Variants in STPG2 observed in about 807,000 individuals in gnomAD.
STPG2 encodes sperm tail PG-rich repeat containing 2.
STPG2 carries 56 observed loss-of-function variants against 54.2 expected under a neutral mutation model. The observed-to-expected ratio is 1.03, with a 90% CI of 0.83 to 1.29. The LOEUF (loss-of-function observed/expected upper bound fraction) is 1.29, where lower values mean the gene tolerates loss of function less well. Ranked by LOEUF, STPG2 falls within the 50% of genes most tolerant of loss-of-function variation. The pLI, the probability that STPG2 is intolerant of heterozygous loss-of-function variation, is 0.00. For synonymous variants in STPG2, 200 were observed against 181.8 expected, an observed-to-expected ratio of 1.10 and a Z score of -0.81; for missense variants, 596 against 544.9, an observed-to-expected ratio of 1.09 and a Z score of -0.93.
At chr4:97,491,628 A>G (rs1465209361) in intron 4 of STPG2, among the ~76,000 whole-genome samples, 1 of 151,614 alleles carries the variant, frequency 6.6e-6, no homozygotes, top group Non-Finnish European at 1.5e-5. Flanking sequence ...TGAAAGCAAG[A>G]GTACATGCAA....
At chr4:97,796,707 C>T (rs1727196217) in intron 9 of STPG2, among the ~76,000 whole-genome samples, 1 of 152,254 alleles carries the variant, frequency 6.6e-6, no homozygotes, top group South Asian at 2.1e-4. Context: ...TCCATATAAA[C>T]TTTAAAGTAG....
At chr4:97,837,354 C>A (rs1466240289) in intron 9 of STPG2, among the ~76,000 whole-genome samples, 1 of 151,684 alleles carries the variant, frequency 6.6e-6, no homozygotes, top group Non-Finnish European at 1.5e-5. Context: ...CAATTTTCCA[C>A]ACTCTCAACA....
chr4:97,848,028 A>G (rs568732935), intron 8 of STPG2, among the ~76,000 whole-genome samples: 1 of 152,288 alleles, frequency 6.6e-6, no homozygotes, highest in African/African-American at 2.4e-5. Flanking sequence ...GCTAGTAGCC[A>G]ATAAACTGTT....
intron 9 of STPG2, among the ~76,000 whole-genome samples, chr4:97,786,175 C>A (rs1291621298): frequency 6.7e-6 from 1 of 148,566 alleles, no homozygotes; most frequent in Non-Finnish European, 1.5e-5. Flanking sequence ...CCTTTCCCTG[C>A]CATAGACATG....
At chr4:97,452,343 G>A (rs921003670) in intron 4 of STPG2, among the ~76,000 whole-genome samples, 2 of 152,120 alleles carry the variant, frequency 1.3e-5, no homozygotes, top group African/African-American at 4.8e-5. Context: ...GACAGGTGGA[G>A]ACAGACAGAT....
chr4:97,900,318 C>T, intron 8 of STPG2, among the ~76,000 whole-genome samples: 1 of 151,864 alleles, frequency 6.6e-6, no homozygotes, highest in Admixed American at 6.6e-5. Flanking sequence ...AATATACTGT[C>T]AATGGGAGTG....
chr4:97,985,734 C>T (rs1184285021), intron 5 of STPG2, among the ~76,000 whole-genome samples: 1 of 152,038 alleles, frequency 6.6e-6, no homozygotes, highest in Non-Finnish European at 1.5e-5. Flanking sequence ...TCCCCTTAAA[C>T]CAAATTGATA....
intron 10 of STPG2, among the ~76,000 whole-genome samples, chr4:97,691,811 C>G (rs1723375077): frequency 6.6e-6 from 1 of 152,158 alleles, no homozygotes; most frequent in South Asian, 2.1e-4. Flanking sequence ...GCTACCTCCA[C>G]CGGGAGTAGG....
rs1165340203 is a variant in STPG2, at chr4:97,915,037, T to A, written c.1044+28860A>T. On this transcript the variant is annotated intron_variant, in intron 8 of 10. Coordinates refer to ENST00000295268, the MANE Select transcript of STPG2 (RefSeq NM_174952.3). ...ATATTCCATTATGTGTATACCACAA[T>A]TTGTTTATCCATTCATCTAGTGATA... Among the ~76,000 whole-genome samples, 5 of 152,208 alleles carry A rather than the reference T, an allele frequency of 3.3e-5. No individual in the cohort carries two copies. In the South Asian group the frequency reaches 1.0e-3, roughly 31 times the overall value.
chr4:97,654,236 A>G (rs1251069202), intron 10 of STPG2, among the ~76,000 whole-genome samples: 1 of 152,154 alleles, frequency 6.6e-6, no homozygotes, highest in Non-Finnish European at 1.5e-5. Context: ...TTAAAAATGC[A>G]CAAATGTTCA....
chr4:98,009,401 C>T (rs1202039978), intron 5 of STPG2, among the ~76,000 whole-genome samples: 1 of 151,788 alleles, frequency 6.6e-6, no homozygotes. Context: ...CAGTTTTCCT[C>T]CAGTCATTGA....
intron 4 of STPG2, among the ~76,000 whole-genome samples, chr4:97,538,618 A>G (rs143344600): frequency 0.015 from 2,264 of 152,302 alleles, 56 homozygotes; most frequent in African/African-American, 0.052. Flanking sequence ...AAAACACTCT[A>G]CAGCATATTA....
intron 10 of STPG2, among the ~76,000 whole-genome samples, chr4:97,561,263 C>G (rs866671224): frequency 1.3e-5 from 2 of 152,080 alleles, no homozygotes; most frequent in African/African-American, 4.8e-5. Context: ...TGAGAAGTGT[C>G]TGTTCATGTC....
At chr4:97,580,933 T>C (rs1732848550) in intron 10 of STPG2, among the ~76,000 whole-genome samples, 1 of 152,232 alleles carries the variant, frequency 6.6e-6, no homozygotes, top group African/African-American at 2.4e-5. Flanking sequence ...TGCATTTTCC[T>C]ATGAGTAAAT....
intron 4 of STPG2, among the ~76,000 whole-genome samples, chr4:97,491,813 A>G (rs1730509522): frequency 6.6e-6 from 1 of 151,648 alleles, no homozygotes; most frequent in Non-Finnish European, 1.5e-5. Context: ...CAGAAAACCT[A>G]ATGGACAATT....
chr4:97,785,542 T>C (rs761256099), intron 9 of STPG2, among the ~76,000 whole-genome samples: 1 of 152,106 alleles, frequency 6.6e-6, no homozygotes, highest in Non-Finnish European at 1.5e-5. Context: ...AGGTGATGAC[T>C]AGAATAGGAG....
At chr4:97,477,057 G>T (rs533791654) in intron 4 of STPG2, among the ~76,000 whole-genome samples, 2 of 152,170 alleles carry the variant, frequency 1.3e-5, no homozygotes, top group Non-Finnish European at 2.9e-5. Context: ...ACAATTTAAA[G>T]GTCCTGTCAT....
chr4:97,919,474 A>G (rs1732014327), intron 8 of STPG2, among the ~76,000 whole-genome samples: 1 of 151,884 alleles, frequency 6.6e-6, no homozygotes, highest in South Asian at 2.1e-4. Context: ...CGAATCACCA[A>G]CATCAAAGGG....
At chr4:97,981,728 AT>A (rs1734683623) in intron 5 of STPG2, among the ~76,000 whole-genome samples, 1 of 151,090 alleles carries the variant, frequency 6.6e-6, no homozygotes, top group Non-Finnish European at 1.5e-5. Context: ...TGTATATTCA[AT>A]TAACTCAACA....
Sources: gnomAD v4.1 joint callset for allele counts (sites outside exome capture counted in the v4.1 genomes callset) on GRCh38, gnomAD v4.1.1 for gene constraint, MANE v1.5 for transcripts, NCBI Gene and HGNC (gene_info 2026-07-23, HGNC 2026-07-21) for gene names.